FAT3: variants seen among roughly 807,000 people sequenced by gnomAD.
FAT3 encodes the protein protocadherin Fat 3.
Under a neutral mutation model 310.2 loss-of-function variants are expected in FAT3, and 95 were observed. The ratio of observed to expected loss-of-function variants is 0.31; its 90% CI spans 0.26 to 0.36. The LOEUF is 0.36. Ranked by LOEUF, FAT3 falls within the 10% of genes least tolerant of loss-of-function variation. The pLI is 1.00. For synonymous variants in FAT3, 2,314 were observed against 2,192.9 expected (o/e 1.06, Z -1.54); for missense variants, 5,408 against 5,715.6 (o/e 0.95, Z 1.74).
chr11:92,775,782 A>G (rs1318320458), intron 7 of FAT3, among the ~76,000 whole-genome samples: 1 of 152,232 alleles, frequency 6.6e-6, no homozygotes, highest in Non-Finnish European at 1.5e-5. Flanking sequence ...ATCCTATGTG[A>G]TTCTGACATG....
At chr11:92,253,053 C>A (rs4315034) in intron 1 of FAT3, among the ~76,000 whole-genome samples, 56 of 152,198 alleles carry the variant, frequency 3.7e-4, no homozygotes, top group Admixed American at 3.6e-3. Context: ...GCTCCTGTTA[C>A]AATTATTGCC....
At chr11:92,476,915 T>C (rs2135174394) in intron 2 of FAT3, among the ~76,000 whole-genome samples, 1 of 152,328 alleles carries the variant, frequency 6.6e-6, no homozygotes, top group Middle Eastern at 3.4e-3. Flanking sequence ...TATTTGTTCT[T>C]CCACCATGAC....
At chr11:92,849,768 T>C (rs1173929884) in intron 19 of FAT3, among the ~76,000 whole-genome samples, 2 of 152,314 alleles carry the variant, frequency 1.3e-5, no homozygotes, top group East Asian at 3.9e-4. Context: ...TTACTTATTC[T>C]CTCAGCAGTT....
At chr11:92,404,253 A>G (rs1436137547) in intron 2 of FAT3, among the ~76,000 whole-genome samples, 1 of 152,144 alleles carries the variant, frequency 6.6e-6, no homozygotes, top group Admixed American at 6.5e-5. Context: ...GCTTCCAAGG[A>G]GCTTTACTTC....
At chr11:92,857,175 C>T (rs1401540245) in intron 19 of FAT3, 39 bp from the exon 20 acceptor site, 1 of 1,613,636 alleles carries the variant, frequency 6.2e-7, no homozygotes, top group Admixed American at 1.7e-5. Flanking sequence ...GGGTGAATCC[C>T]TTTGTGTACT....
chr11:92,606,464 C>A (rs1343344951), intron 3 of FAT3, among the ~76,000 whole-genome samples: 1 of 152,150 alleles, frequency 6.6e-6, no homozygotes, highest in East Asian at 1.9e-4. Context: ...CTCAGGCATG[C>A]TGGAGAGGTG....
intron 3 of FAT3, among the ~76,000 whole-genome samples, chr11:92,568,491 T>C (rs559479557): frequency 6.6e-6 from 1 of 152,268 alleles, no homozygotes; most frequent in South Asian, 2.1e-4. Flanking sequence ...ATGCTAGCAA[T>C]GGAAAGAACA....
chr11:92,412,530 C>A (rs1379958474), intron 2 of FAT3, among the ~76,000 whole-genome samples: 2 of 145,264 alleles, frequency 1.4e-5, no homozygotes, highest in African/African-American at 5.0e-5. Context: ...ATTCTTAGAT[C>A]TATATAGGTA....
intron 3 of FAT3, among the ~76,000 whole-genome samples, chr11:92,605,670 T>G (rs2135600129): frequency 6.6e-6 from 1 of 150,846 alleles, no homozygotes; most frequent in Non-Finnish European, 1.5e-5. Context: ...TGTGTACTCT[T>G]ACAGATATCA....
At chr11:92,537,836 G>A (rs568387638) in intron 3 of FAT3, among the ~76,000 whole-genome samples, 1 of 152,302 alleles carries the variant, frequency 6.6e-6, no homozygotes, top group East Asian at 1.9e-4. Flanking sequence ...CCAGTCAGGA[G>A]AGAGGCTCAG....
At chr11:92,834,810 A>G in intron 14 of FAT3, 60 bp from the exon 15 acceptor site, 2 of 1,357,298 alleles carry the variant, frequency 1.5e-6, no homozygotes, top group Non-Finnish European at 2.0e-6. Context: ...CCATGATTAT[A>G]GAATTGCTGA....
intron 1 of FAT3, among the ~76,000 whole-genome samples, chr11:92,294,015 G>T (rs1946780441): frequency 6.6e-6 from 1 of 151,942 alleles, no homozygotes; most frequent in African/African-American, 2.4e-5. Context: ...ATCTTGGGCT[G>T]CCATAACAAA....
At chr11:92,508,563 A>G (rs1173654273) in intron 2 of FAT3, among the ~76,000 whole-genome samples, 1 of 152,170 alleles carries the variant, frequency 6.6e-6, no homozygotes, top group African/African-American at 2.4e-5. Context: ...AAGTCCATTC[A>G]TTACATTTTT....
chr11:92,828,918 G>A (rs1279635157), intron 13 of FAT3, among the ~76,000 whole-genome samples: 4 of 152,190 alleles, frequency 2.6e-5, no homozygotes, highest in African/African-American at 4.8e-5. Flanking sequence ...TTGTGTCTCA[G>A]TGAAGGAAAC....
chr11:92,823,383 G>T (rs1032866817), intron 13 of FAT3, among the ~76,000 whole-genome samples: 1 of 152,138 alleles, frequency 6.6e-6, no homozygotes, highest in Non-Finnish European at 1.5e-5. Flanking sequence ...CAGATAAGCT[G>T]CAGCTTTTTA....
chr11:92,703,692 T>C (rs189839129), intron 4 of FAT3, among the ~76,000 whole-genome samples: 346 of 152,356 alleles, frequency 2.3e-3, no homozygotes, highest in South Asian at 3.7e-3. Flanking sequence ...TATGCACTCT[T>C]TCTGTTTTTA....
intron 2 of FAT3, among the ~76,000 whole-genome samples, chr11:92,390,716 A>G (rs1404284360): frequency 2.0e-5 from 3 of 152,184 alleles, no homozygotes; most frequent in African/African-American, 7.2e-5. Context: ...GGAGAAGTGA[A>G]GAATACTCTA....
At chr11:92,770,158 C>CT (rs1946422645) in intron 6 of FAT3, among the ~76,000 whole-genome samples, 1 of 152,194 alleles carries the variant, frequency 6.6e-6, no homozygotes, top group African/African-American at 2.4e-5. Flanking sequence ...TATTCTGCCC[C>CT]TTTTCCCTAA....
intron 2 of FAT3, among the ~76,000 whole-genome samples, chr11:92,486,046 A>G (rs184572125): frequency 6.7e-6 from 1 of 149,032 alleles, no homozygotes; most frequent in Non-Finnish European, 1.5e-5. Flanking sequence ...TGTACACTAT[A>G]GGTAGGAGAT....
Sources: gnomAD v4.1 joint callset for allele counts (sites outside exome capture counted in the v4.1 genomes callset) on GRCh38, gnomAD v4.1.1 for gene constraint, MANE v1.5 for transcripts, NCBI Gene and HGNC (gene_info 2026-07-23, HGNC 2026-07-21) for gene names.